ARHGAP30: variants seen among roughly 807,000 people sequenced by gnomAD.
ARHGAP30 encodes the protein rho GTPase-activating protein 30.
Under a neutral mutation model 72.0 loss-of-function variants are expected in ARHGAP30, and 23 were observed. The ratio of observed to expected loss-of-function variants is 0.32; its 90% confidence interval spans 0.23 to 0.45. The LOEUF (loss-of-function observed/expected upper bound fraction) is 0.45, where lower values mean the gene tolerates loss of function less well. Ranked by LOEUF, ARHGAP30 falls within the 20% of genes least tolerant of loss-of-function variation. The pLI, the probability that ARHGAP30 is intolerant of heterozygous loss-of-function variation, is 1.00. For missense variants in ARHGAP30, 1,319 were observed against 1,383.4 expected, an observed-to-expected ratio of 0.95 and a Z score of 0.74; for synonymous variants, 576 against 528.2, an observed-to-expected ratio of 1.09 and a Z score of -1.24.
chr1:161,053,182 G>T, intron 6 of ARHGAP30, 76 bp downstream of exon 6: 1 of 1,580,274 alleles, frequency 6.3e-7, no homozygotes, highest in Non-Finnish European at 8.6e-7. Flanking sequence ...AGCTGAAGTA[G>T]GTGATCTTCA....
intron 2 of ARHGAP30, among the ~76,000 whole-genome samples, chr1:161,059,024 C>G (rs1652122662): frequency 6.6e-6 from 1 of 151,702 alleles, no homozygotes; most frequent in South Asian, 2.1e-4. Context: ...TAAATTATAT[C>G]TAAGTTTTTT....
chr1:161,068,725 C>T (rs1429771563), intron 1 of ARHGAP30, among the ~76,000 whole-genome samples: 4 of 152,094 alleles, frequency 2.6e-5, no homozygotes, highest in Admixed American at 6.6e-5. Context: ...CCGTTGTGAA[C>T]CTGATATTGT....
At position 161,069,723 on chromosome 1, in the gene ARHGAP30, C is replaced by G; in HGVS notation, c.-99G>C. The G allele has an allele frequency of 7.3e-7, 1 of 1,374,282 alleles. No individual in the cohort carries two copies. The highest frequency in any genetic ancestry group is 1.0e-6 in the Non-Finnish European group (1 of 988,440). The allele number at this position is 1,374,282 out of a possible 1,614,324, so 85.1% of individuals were successfully genotyped here. On this transcript the variant is annotated 5_prime_UTR_variant, in exon 1 of 12. Transcript: ENST00000368013. This position sits in a 1 kb window ranked among gnomAD's most constrained non-coding sequence, Gnocchi z 4.9. ...TCCCAGCCAGCTGCTGGGCTTGGCC[C>G]GGCCCCAGGGGGGCAGGGCTCCCAA...
intron 2 of ARHGAP30, 143 bp from the exon 3 acceptor site, chr1:161,056,675 T>C (rs1383271030): frequency 1.4e-5 from 12 of 843,168 alleles, no homozygotes; most frequent in Non-Finnish European, 2.2e-5. Context: ...CGTACACATG[T>C]AAGCCAGTAA....
intron 9 of ARHGAP30, among the ~76,000 whole-genome samples, chr1:161,052,047 AC>A (rs1557921110): frequency 0.028 from 415 of 15,048 alleles, 117 homozygotes; most frequent in African/African-American, 0.029. Flanking sequence ...CACCACCACC[AC>A]CACCACCACC....
Position 161,048,231 on chromosome 1 carries a change from C to T in ARHGAP30, c.2790G>A (p.Gln930=). The T allele has an allele frequency of 6.2e-7, 1 of 1,614,184 alleles. No homozygotes were observed. Among genetic ancestry groups the T allele is most frequent in the Non-Finnish European group, 8.5e-7 (1 of 1,180,026 alleles). ...CAGGCACAGAGCGGACCTGTTGGAC[C>T]TGAACCAGAGTGGAAGCTAGACGCA... is the stretch of plus-strand genomic sequence containing the variant. ...VGMRLASTLV[Q]VQQVRSVPVV... Residue 930 remains glutamine (Q), a synonymous_variant, in exon 12 of 12, where the codon CAG becomes CAA. Coordinates refer to ENST00000368013, the MANE Select transcript of ARHGAP30 (RefSeq NM_001025598.2).
rs1653050908 is a variant in ARHGAP30 at position 161,069,867 on chromosome 1, T to C, written c.-243A>G. The C allele has an allele frequency of 1.8e-6, 1 of 556,994 alleles. No homozygotes were observed. The highest frequency in any genetic ancestry group is 3.2e-6 in the Non-Finnish European group (1 of 309,252). 34.5% of individuals were successfully genotyped at this position (556,994 alleles called of 1,614,324 possible). A position where few individuals can be genotyped will look rare whatever the true frequency, so the allele number is the denominator to read the frequency against. On this transcript the variant is annotated 5_prime_UTR_variant, in exon 1 of 12. Coordinates refer to ENST00000368013, the MANE Select transcript of ARHGAP30 (RefSeq NM_001025598.2). The surrounding 1 kb of genome is among the most constrained non-coding windows in gnomAD (Gnocchi z 4.9). ...GACCCTGGCAAGAAATTGTGTCCTG[T>C]GTCTCGTGGCCCAGCCTGGCACTCG...
intron 6 of ARHGAP30, chr1:161,053,027 T>A (rs986042988): frequency 3.6e-5 from 30 of 841,972 alleles, no homozygotes; most frequent in Non-Finnish European, 5.0e-5. Context: ...GAGCCATCAC[T>A]AGCCTTGGGA....
At chr1:161,065,775 C>T (rs975849402) in intron 1 of ARHGAP30, among the ~76,000 whole-genome samples, 1 of 152,042 alleles carries the variant, frequency 6.6e-6, no homozygotes, top group Non-Finnish European at 1.5e-5. Flanking sequence ...CCATGTTGGT[C>T]AGGCTGGTCT....
intron 4 of ARHGAP30, 39 bp from the exon 5 acceptor site, chr1:161,054,512 C>G: frequency 1.2e-6 from 2 of 1,607,096 alleles, no homozygotes; most frequent in Non-Finnish European, 1.7e-6. Context: ...AGGGAATGCC[C>G]AGGGCAGGCA....
chr1:161,064,007 A>C (rs1652507211), intron 1 of ARHGAP30, among the ~76,000 whole-genome samples: 1 of 152,076 alleles, frequency 6.6e-6, no homozygotes, highest in Non-Finnish European at 1.5e-5. Context: ...AGCAATTTTA[A>C]TTTCGCTTTG....
At chr1:161,059,271 C>T (rs2102056912) in intron 2 of ARHGAP30, among the ~76,000 whole-genome samples, 1 of 152,000 alleles carries the variant, frequency 6.6e-6, no homozygotes, top group Admixed American at 6.6e-5. Flanking sequence ...TCAGGTGATC[C>T]ACCCACTTCA....
At chr1:161,061,009 C>T (rs1292577674) in intron 1 of ARHGAP30, among the ~76,000 whole-genome samples, 1 of 149,764 alleles carries the variant, frequency 6.7e-6, no homozygotes, top group Admixed American at 6.7e-5. Context: ...TGGCCAAGGA[C>T]TTATCTTAAA....
rs114242843 is a variant in ARHGAP30 at position 161,051,784 on chromosome 1, G to C, written c.1019-69C>G. The C allele has an allele frequency of 2.9e-4, 420 of 1,464,776 alleles. No individual in the cohort carries two copies. The African/African-American group carries it at 4.6e-3, about 16-fold the overall frequency. 90.7% of individuals were successfully genotyped at this position (1,464,776 alleles called of 1,614,324 possible). A position where few individuals can be genotyped will look rare whatever the true frequency, so the allele number is the denominator to read the frequency against. ...CAAGGGGCCTAGACATCTCAAGAAGGCTCTGGAGAATGCTCTCTGCTTTCT... is the reference window on the plus strand; with the variant it reads ...CAAGGGGCCTAGACATCTCAAGAAGCCTCTGGAGAATGCTCTCTGCTTTCT... On this transcript the variant is annotated intron_variant, in intron 9 of 11. Coordinates refer to ENST00000368013, the MANE Select transcript of ARHGAP30 (RefSeq NM_001025598.2).
chr1:161,066,859 C>T (rs536853816), intron 1 of ARHGAP30, among the ~76,000 whole-genome samples: 1 of 152,204 alleles, frequency 6.6e-6, no homozygotes, highest in Admixed American at 6.6e-5. Context: ...ATAGGGCAGG[C>T]CCCTCCTTGT....
chr1:161,055,804 T>TAA (rs1553217874), intron 3 of ARHGAP30, among the ~76,000 whole-genome samples: 5 of 45,134 alleles, frequency 1.1e-4, no homozygotes, highest in Non-Finnish European at 2.5e-4. Context: ...TAAAATAAAA[T>TAA]AATAAAATAA....
chr1:161,047,852 C>T lies in ARHGAP30; in HGVS notation c.3169G>A (p.Ala1057Thr). The change falls in exon 12 of 12, where the codon GCA (alanine) becomes ACA (threonine). Residue 1057 changes from alanine (A) to threonine (T), a missense_variant. Physicochemically the swap from Ala to Thr is moderately conservative, Grantham distance 58. Transcript: ENST00000368013. ...LSCLELPSEG[A>T]EGSGSRSRLS... is the part of the protein sequence containing the mutation. ...CGACTCCGGGATCCAGACCCTTCTG[C>T]ACCTTCAGATGGGAGCTCCAGGCAG... 6 of 1,611,662 alleles carry T rather than the reference C, an allele frequency of 3.7e-6. No homozygotes were observed. The South Asian group carries it at 6.6e-5, about 18-fold the overall frequency.
rs1651090488 is a variant in ARHGAP30, at chr1:161,048,766, C to G, written c.2255G>C (p.Arg752Thr). Residue 752 changes from arginine (R) to threonine (T), a missense_variant, in exon 12 of 12, where the codon AGA becomes ACA. This residue lies in a region of ARHGAP30 where 1,097 missense variants were observed against 1,045.2 expected (regional missense o/e 1.05). Transcript: ENST00000368013. ...TTCCTCTCTTTGTTCATCCTCTTCTCTCTCAATTTCTTTTTCCTTCTCATC... is the reference window on the plus strand; with the variant it reads ...TTCCTCTCTTTGTTCATCCTCTTCTGTCTCAATTTCTTTTTCCTTCTCATC... ...YTDEKEKEIEREEDEQREEAQ... is the reference protein window; with the variant it reads ...YTDEKEKEIETEEDEQREEAQ... 1 of 1,614,072 alleles carries G rather than the reference C, an allele frequency of 6.2e-7. No homozygotes were observed. The highest frequency in any genetic ancestry group is 2.2e-5 in the East Asian group (1 of 44,886).
chr1:161,066,020 A>G (rs1652740885), intron 1 of ARHGAP30, among the ~76,000 whole-genome samples: 1 of 148,106 alleles, frequency 6.8e-6, no homozygotes, highest in Admixed American at 6.8e-5. Context: ...GCACACCACC[A>G]TGTCCAGCTA....
Sources: gnomAD v4.1 joint callset for allele counts (sites outside exome capture counted in the v4.1 genomes callset) on GRCh38, gnomAD v4.1.1 for gene constraint, gnomAD v4.1.1 regional missense constraint, Gnocchi (gnomAD v3.1) non-coding constraint, MANE v1.5 for transcripts, NCBI Gene and HGNC (gene_info 2026-07-23, HGNC 2026-07-21) for gene names.